The following TSHZ2 variants were observed in gnomAD, a reference collection of about 807,000 sequenced individuals.
The protein encoded by TSHZ2 is teashirt zinc finger homeobox 2.
A neutral mutation model predicts 74.4 loss-of-function variants in TSHZ2; 21 were observed. The observed-to-expected ratio is 0.28, with a 90% CI of 0.20 to 0.41. The LOEUF (loss-of-function observed/expected upper bound fraction) is 0.41, where lower values mean the gene tolerates loss of function less well. Among genes scored for constraint, TSHZ2 ranks in the 10% least tolerant of loss-of-function variants. The pLI is 1.00. For synonymous variants in TSHZ2, 540 were observed against 515.3 expected (o/e 1.05, Z -0.65); for missense variants, 1,244 against 1,293.5 (o/e 0.96, Z 0.59).
At chr20:53,346,185 A>G (rs1377280937) in intron 2 of TSHZ2, among the ~76,000 whole-genome samples, 1 of 152,110 alleles carries the variant, frequency 6.6e-6, no homozygotes, top group Non-Finnish European at 1.5e-5. Flanking sequence ...AACATATTCT[A>G]ATTGTGCTGA....
chr20:53,448,551 C>T (rs565733500), intron 2 of TSHZ2, among the ~76,000 whole-genome samples: 1 of 152,292 alleles, frequency 6.6e-6, no homozygotes, highest in African/African-American at 2.4e-5. Flanking sequence ...AAACCATAAA[C>T]ATCAGTTCTA....
At chr20:53,169,169 G>A (rs1988131079) in intron 1 of TSHZ2, among the ~76,000 whole-genome samples, 3 of 152,208 alleles carry the variant, frequency 2.0e-5, no homozygotes. Context: ...GATCCAAGTA[G>A]TCTTACATCT....
chr20:53,354,017 A>G (rs1379179334), intron 2 of TSHZ2, among the ~76,000 whole-genome samples: 1 of 152,216 alleles, frequency 6.6e-6, no homozygotes, highest in African/African-American at 2.4e-5. Context: ...CCAGGGACTG[A>G]CTGACCATAA....
intron 1 of TSHZ2, among the ~76,000 whole-genome samples, chr20:53,154,316 G>GT (rs1033567629): frequency 4.9e-5 from 5 of 102,764 alleles, no homozygotes; most frequent in East Asian, 2.1e-4. Flanking sequence ...AGAAGTAAAT[G>GT]TTTTTTTAAC....
chr20:53,204,098 G>GATATACTACTATATCATC, intron 1 of TSHZ2, among the ~76,000 whole-genome samples: 1 of 98,010 alleles, frequency 1.0e-5, no homozygotes. Context: ...ATCATATGAT[G>GATATACTACTATATCATC]ATATGATATA....
Position 53,256,043 on chromosome 20 carries a change from C to T in TSHZ2, c.2585C>T (p.Ser862Leu), listed in dbSNP as rs781658976. Reference sequence around the variant, plus strand: ...CTGATTCTACAAGCCCAGTTTGCCTCGAGCCTCTTCCAGACATCAGAGGGC... The same window carrying T: ...CTGATTCTACAAGCCCAGTTTGCCTTGAGCCTCTTCCAGACATCAGAGGGC... ...HLLILQAQFA[S>L]SLFQTSEGKY... The change falls in exon 2 of 3, where the codon TCG becomes TTG. Residue 862 changes from serine to leucine, a missense_variant. Ser to Leu is a moderately radical substitution (Grantham distance 145). Transcript: ENST00000371497. The surrounding 1 kb of genome is among the most constrained non-coding windows in gnomAD (Gnocchi z 4.3). The T allele has an allele frequency of 2.9e-5, 47 of 1,613,248 alleles. No individual in the cohort carries two copies. The highest frequency in any genetic ancestry group is 5.5e-5 in the South Asian group (5 of 90,988).
intron 2 of TSHZ2, among the ~76,000 whole-genome samples, chr20:53,334,833 A>G (rs1979880111): frequency 6.6e-6 from 1 of 151,998 alleles, no homozygotes; most frequent in Admixed American, 6.6e-5. Flanking sequence ...ACAGGCATGC[A>G]CCACCACGCC....
intron 2 of TSHZ2, among the ~76,000 whole-genome samples, chr20:53,351,511 CAAAA>C (rs377267538): frequency 6.6e-6 from 1 of 151,804 alleles, no homozygotes; most frequent in Non-Finnish European, 1.5e-5. Flanking sequence ...GATTTTTTGT[CAAAA>C]AAAGTTACAT....
intron 2 of TSHZ2, among the ~76,000 whole-genome samples, chr20:53,261,245 G>C (rs1182501958): frequency 6.6e-6 from 1 of 152,118 alleles, no homozygotes; most frequent in Non-Finnish European, 1.5e-5. Context: ...CACTTTCCTG[G>C]GCCTTTTGGA....
At chr20:53,384,376 C>T (rs547564626) in intron 2 of TSHZ2, among the ~76,000 whole-genome samples, 21 of 152,222 alleles carry the variant, frequency 1.4e-4, no homozygotes, top group African/African-American at 4.1e-4. Flanking sequence ...TTTAGCCACA[C>T]GCAGACCCGT....
At chr20:53,428,728 C>T (rs1242468768) in intron 2 of TSHZ2, among the ~76,000 whole-genome samples, 2 of 152,160 alleles carry the variant, frequency 1.3e-5, no homozygotes, top group Non-Finnish European at 2.9e-5. Context: ...GCTGACTTTC[C>T]ACATGACCTG....
intron 2 of TSHZ2, among the ~76,000 whole-genome samples, chr20:53,375,554 T>C (rs1377821909): frequency 6.6e-6 from 1 of 152,118 alleles, no homozygotes; most frequent in Non-Finnish European, 1.5e-5. Context: ...TTCAGTCCCT[T>C]TTTTACCTAG....
chr20:53,172,412 AT>A (rs893660299), intron 1 of TSHZ2, among the ~76,000 whole-genome samples: 2 of 151,992 alleles, frequency 1.3e-5, no homozygotes, highest in African/African-American at 4.8e-5. Flanking sequence ...TTTTATTTTT[AT>A]TTTTATTTTT....
intron 2 of TSHZ2, among the ~76,000 whole-genome samples, chr20:53,469,199 G>A (rs1367385455): frequency 6.6e-6 from 1 of 150,996 alleles, no homozygotes; most frequent in Non-Finnish European, 1.5e-5. Context: ...TGGATACCTT[G>A]TTGGATTGTT....
At chr20:53,107,398 A>T (rs1393448818) in intron 1 of TSHZ2, among the ~76,000 whole-genome samples, 1 of 152,184 alleles carries the variant, frequency 6.6e-6, no homozygotes, top group Non-Finnish European at 1.5e-5. Flanking sequence ...CTAGTGTGAG[A>T]ATTTGTGAAA....
chr20:53,254,725 C>A lies in TSHZ2; in HGVS notation c.1267C>A (p.Pro423Thr), dbSNP rs369242518. Residue 423 changes from proline (P) to threonine (T), a missense_variant, in exon 2 of 3, where the codon CCG (proline) becomes ACG (threonine). Pro to Thr is a conservative substitution (Grantham distance 38). Transcript: ENST00000371497. ...GAAAGGGAAGCAGCTGGTATTAGAC[C>A]CGTTAGCAGTGGAGAAAATGCAGTC... ...SKKGKQLVLDPLAVEKMQSLS... is the reference protein window; with the variant it reads ...SKKGKQLVLDTLAVEKMQSLS... 3.7e-6 allele frequency: 6 copies of A among 1,613,784 alleles called. No individual in the cohort carries two copies. Among genetic ancestry groups the A allele is most frequent in the Non-Finnish European group, 5.1e-6 (6 of 1,179,854 alleles).
chr20:53,246,227 G>C (rs987466198), intron 1 of TSHZ2, among the ~76,000 whole-genome samples: 21 of 152,048 alleles, frequency 1.4e-4, no homozygotes, highest in Admixed American at 8.5e-4. Flanking sequence ...ATTTTTAGTA[G>C]AGATGGGTTT....
intron 1 of TSHZ2, among the ~76,000 whole-genome samples, chr20:53,050,102 T>TATATATATATACACATATATATATAC (rs1984374356): frequency 2.5e-4 from 16 of 63,470 alleles, no homozygotes; most frequent in African/African-American, 1.8e-3. Context: ...TGTATATGTG[T>TATATATATATACACATATATATATAC]GTATATATAT....
At chr20:53,044,204 G>T (rs762225017) in intron 1 of TSHZ2, among the ~76,000 whole-genome samples, 2 of 152,228 alleles carry the variant, frequency 1.3e-5, no homozygotes, top group South Asian at 4.1e-4. Context: ...TGACATTTGT[G>T]ATGCTCCAAC....
Sources: gnomAD v4.1 joint callset for allele counts (sites outside exome capture counted in the v4.1 genomes callset) on GRCh38, gnomAD v4.1.1 for gene constraint, Gnocchi (gnomAD v3.1) non-coding constraint, MANE v1.5 for transcripts, NCBI Gene and HGNC (gene_info 2026-07-23, HGNC 2026-07-21) for gene names.